The following NRG1 variants were observed in gnomAD, a reference collection of about 807,000 sequenced individuals.
The protein encoded by NRG1 is neuregulin 1, also known as pro-neuregulin-1, membrane-bound isoform.
In NRG1, 18 loss-of-function variants were observed where a neutral mutation model predicts 63.8. The ratio of observed to expected loss-of-function variants is 0.28; its 90% CI spans 0.19 to 0.42. NRG1 has a LOEUF of 0.42. Ranked by LOEUF, NRG1 falls within the 10% of genes least tolerant of loss-of-function variation. The pLI, the probability that NRG1 is intolerant of heterozygous loss-of-function variation, is 1.00. For missense variants in NRG1, 762 were observed against 814.7 expected (o/e 0.94, Z 0.79); for synonymous variants, 302 against 301.3 (o/e 1.00, Z -0.02).
intron 1 of NRG1, among the ~76,000 whole-genome samples, chr8:32,273,471 T>C (rs1404951461): frequency 1.3e-5 from 2 of 152,216 alleles, no homozygotes. Flanking sequence ...TTATTTAATT[T>C]TTTTGAACTG....
rs1001248181 is a variant in NRG1, at chr8:31,946,710, G to A, written c.37+307279G>A. On this transcript the variant is annotated intron_variant, in intron 1 of 10. Coordinates refer to the NRG1 transcript ENST00000519301. ...GGATTAGAAAATGGTGTCCCCTCCA[G>A]GAGGATACTGCCTGTGCCTGAGAAT... Among the ~76,000 whole-genome samples, 13 of 152,266 alleles carry A rather than the reference G, an allele frequency of 8.5e-5. No individual in the cohort carries two copies. The South Asian group carries it at 1.7e-3, about 19-fold the overall frequency.
At chr8:32,260,585 A>G (rs1850253063) in intron 1 of NRG1, among the ~76,000 whole-genome samples, 1 of 152,198 alleles carries the variant, frequency 6.6e-6, no homozygotes, top group Admixed American at 6.5e-5. Context: ...TTGCATTGGC[A>G]TTAAGCACCT....
At chr8:32,525,391 GGTGTGTGTGTGTGTGT>G (rs200594879) in intron 1 of NRG1, among the ~76,000 whole-genome samples, 1 of 145,794 alleles carries the variant, frequency 6.9e-6, no homozygotes, top group African/African-American at 2.6e-5. Context: ...ATGAGGTAGG[GGTGTGTGTGTGTGTGT>G]GTGTGTGTGT....
chr8:32,605,572 C>G, exon 3 of NRG1: 1 of 1,613,224 alleles, frequency 6.2e-7, no homozygotes, highest in African/African-American at 1.3e-5. Context: ...GAAGTCAGAA[C>G]TTCGCATTAA....
intron 1 of NRG1, among the ~76,000 whole-genome samples, chr8:32,062,101 A>C (rs1294267548): frequency 6.6e-6 from 1 of 152,056 alleles, no homozygotes; most frequent in African/African-American, 2.4e-5. Context: ...AGAGCATGCT[A>C]TAGGAGACAG....
rs190560205 is a variant in NRG1, at chr8:32,423,840, C to G, written c.38-171988C>G. 3.9e-5 allele frequency among the ~76,000 whole-genome samples: 6 copies of G among 152,236 alleles called. No individual in the cohort carries two copies. The East Asian group carries it at 1.2e-3, about 29-fold the overall frequency. On this transcript the variant is annotated intron_variant, in intron 1 of 10. Coordinates refer to the NRG1 transcript ENST00000519301. Reference sequence around the variant, plus strand: ...AAGATATGACCAGTTTCAAGATTATCTACTCTAAGTTTTCTGACTGGTTGT... The same window carrying G: ...AAGATATGACCAGTTTCAAGATTATGTACTCTAAGTTTTCTGACTGGTTGT...
At chr8:32,402,836 T>C (rs763357612) in intron 1 of NRG1, among the ~76,000 whole-genome samples, 1 of 152,174 alleles carries the variant, frequency 6.6e-6, no homozygotes, top group African/African-American at 2.4e-5. Context: ...GCATAGTATA[T>C]AAAGGGTTTC....
chr8:32,761,501 C>T (rs1830661530), intron 11 of NRG1, among the ~76,000 whole-genome samples: 2 of 152,012 alleles, frequency 1.3e-5, no homozygotes. Flanking sequence ...TATTTTAGAA[C>T]TTTGTGGAAT....
chr8:32,549,577 G>A (rs747415705), intron 1 of NRG1, among the ~76,000 whole-genome samples: 13 of 152,196 alleles, frequency 8.5e-5, no homozygotes, highest in Non-Finnish European at 1.6e-4. Context: ...ACTTTCCCAA[G>A]AGATGTAAGA....
At chr8:31,694,349 G>A (rs534157800) in intron 1 of NRG1, among the ~76,000 whole-genome samples, 2 of 152,154 alleles carry the variant, frequency 1.3e-5, no homozygotes, top group Admixed American at 6.5e-5. Context: ...GCCCTTCTCT[G>A]TGTCTAGAGA....
intron 1 of NRG1, among the ~76,000 whole-genome samples, chr8:31,912,566 CTTTT>C (rs3052846): frequency 0.19 from 20,183 of 105,358 alleles, 2,184 homozygotes; most frequent in East Asian, 0.66. Context: ...TTTAGAAATG[CTTTT>C]TTTTTTTTTT....
At chr8:32,440,556 CTA>C (rs1218429886) in intron 1 of NRG1, among the ~76,000 whole-genome samples, 2 of 152,142 alleles carry the variant, frequency 1.3e-5, no homozygotes, top group African/African-American at 2.4e-5. Flanking sequence ...GGTCATCATG[CTA>C]TATACTACAG....
chr8:32,550,754 C>T lies in NRG1; in HGVS notation c.100+1928C>T, dbSNP rs186700570. On this transcript the variant is annotated intron_variant, in intron 1 of 11. Coordinates refer to ENST00000356819, the Ensembl canonical transcript of NRG1. ...CCAGAGCTTCCTTGGTGGCTCTCAT[C>T]TGCTTTCCAGTGGTACAGCAGTGAT... is the stretch of plus-strand genomic sequence containing the variant. Among the ~76,000 whole-genome samples the T allele has an allele frequency of 5.3e-5, 8 of 152,312 alleles. No homozygotes were observed. The East Asian group carries it at 1.5e-3, about 29-fold the overall frequency.
At chr8:32,614,299 C>A (rs1292605927) in intron 3 of NRG1, 1 of 425,494 alleles carries the variant, frequency 2.4e-6, no homozygotes, top group Non-Finnish European at 4.2e-6. Context: ...TTTAGCACAG[C>A]TGATTTTATG....
At chr8:32,728,261 G>A (rs1212765383) in intron 6 of NRG1, 183 bp downstream of exon 6, 1 of 985,244 alleles carries the variant, frequency 1.0e-6, no homozygotes, top group Non-Finnish European at 1.2e-6. Flanking sequence ...GTCATATGCA[G>A]AATTGTTTTT....
chr8:32,383,123 G>C (rs778611177), intron 1 of NRG1, among the ~76,000 whole-genome samples: 30 of 152,052 alleles, frequency 2.0e-4, no homozygotes, highest in Non-Finnish European at 4.1e-4. Context: ...CTACTCAGGA[G>C]GCTGAGGTGG....
At chr8:32,124,691 T>C in intron 1 of NRG1, among the ~76,000 whole-genome samples, 1 of 151,792 alleles carries the variant, frequency 6.6e-6, no homozygotes, top group East Asian at 1.9e-4. Flanking sequence ...ATTTTCAATG[T>C]CCCCCATCCT....
At chr8:31,941,482 T>C (rs1801740474) in intron 1 of NRG1, among the ~76,000 whole-genome samples, 2 of 151,870 alleles carry the variant, frequency 1.3e-5, no homozygotes. Context: ...CACTAAGAAC[T>C]GGAACAAGGA....
intron 1 of NRG1, among the ~76,000 whole-genome samples, chr8:31,963,841 A>C (rs1175181945): frequency 1.3e-5 from 2 of 152,184 alleles, no homozygotes; most frequent in African/African-American, 2.4e-5. Flanking sequence ...CAGCAGTAGG[A>C]GTTATCTCCG....
Sources: gnomAD v4.1 joint callset for allele counts (sites outside exome capture counted in the v4.1 genomes callset) on GRCh38, gnomAD v4.1.1 for gene constraint, MANE v1.5 for transcripts, NCBI Gene and HGNC (gene_info 2026-07-23, HGNC 2026-07-21) for gene names.